PAOX: variants seen among roughly 807,000 people sequenced by gnomAD.
The protein encoded by PAOX is peroxisomal N(1)-acetyl-spermine/spermidine oxidase.
PAOX carries 38 observed loss-of-function variants against 39.0 expected under a neutral mutation model. The observed-to-expected ratio is 0.97, with a 90% CI of 0.75 to 1.28. The LOEUF (loss-of-function observed/expected upper bound fraction) is 1.28. Ranked by LOEUF, PAOX falls within the 50% of genes most tolerant of loss-of-function variation. PAOX has a pLI of 0.00. For synonymous variants in PAOX, 311 were observed against 314.4 expected, an observed-to-expected ratio of 0.99 and a Z score of 0.11; for missense variants, 667 against 685.7, an observed-to-expected ratio of 0.97 and a Z score of 0.30.
intron 2 of PAOX, 57 bp downstream of exon 2, chr10:133,380,542 G>T (rs1448491949): frequency 5.3e-6 from 8 of 1,519,290 alleles, no homozygotes; most frequent in Non-Finnish European, 6.2e-6. Context: ...CAGGGCACCG[G>T]GGCTGGCTGA....
At chr10:133,389,204 A>C in intron 5 of PAOX, 136 bp downstream of exon 5, 5 of 729,824 alleles carry the variant, frequency 6.9e-6, no homozygotes, top group Non-Finnish European at 9.8e-6. Context: ...ATCCTTCCTC[A>C]TGTTAGTGGG....
Position 133,379,399 on chromosome 10 carries a change from C to G in PAOX, c.83C>G (p.Ala28Gly). The G allele has an allele frequency of 8.2e-7, 1 of 1,222,392 alleles. No individual in the cohort carries two copies. Among genetic ancestry groups the G allele is most frequent in the Admixed American group, 4.3e-5 (1 of 23,344 alleles). The allele number at this position is 1,222,392 out of a possible 1,614,324, so 75.7% of individuals were successfully genotyped here. A position where few individuals can be genotyped will look rare whatever the true frequency, so the allele number is the denominator to read the frequency against. ...GGCGGCGGCATCGCGGGGCTGGGCG[C>G]GGCGCAGAGGCTCTGCGGCCACTCC... The part of the protein sequence containing the change: ...VVGGGIAGLG[A>G]AQRLCGHSAF... Residue 28 changes from alanine to glycine, a missense_variant, in exon 1 of 7, where the codon GCG (alanine) becomes GGG (glycine). Ala to Gly is a moderately conservative substitution (Grantham distance 60). Coordinates refer to ENST00000278060, the MANE Select transcript of PAOX (RefSeq NM_152911.4).
chr10:133,391,019 G>A (rs1277304620), intron 6 of PAOX: 13 of 702,030 alleles, frequency 1.9e-5, no homozygotes, highest in African/African-American at 5.2e-5. Context: ...TTTCCCGCCC[G>A]TTGGTGGATG....
At chr10:133,387,730 T>C (rs539544833) in intron 4 of PAOX, among the ~76,000 whole-genome samples, 6 of 152,060 alleles carry the variant, frequency 3.9e-5, no homozygotes, top group Admixed American at 6.6e-5. Flanking sequence ...CAGATTATTA[T>C]TATTTTTTGA....
intron 4 of PAOX, among the ~76,000 whole-genome samples, chr10:133,388,567 T>G (rs1298815619): frequency 2.0e-5 from 3 of 152,224 alleles, no homozygotes; most frequent in Non-Finnish European, 4.4e-5. Context: ...AAGGGACGGT[T>G]TACCTGCCCT....
intron 1 of PAOX, 56 bp from the exon 2 acceptor site, chr10:133,379,943 C>T (rs1466649362): frequency 1.3e-6 from 2 of 1,500,116 alleles, no homozygotes; most frequent in Non-Finnish European, 1.8e-6. Context: ...GAGAAGGGCT[C>T]GGGGTGACCC....
chr10:133,379,536 G>C (rs1444568832), intron 1 of PAOX, 39 bp downstream of exon 1: 3 of 1,221,650 alleles, frequency 2.5e-6, no homozygotes, highest in Non-Finnish European at 2.0e-6. Context: ...GAACCCAACC[G>C]GCTGCGCCCG....
chr10:133,384,617 A>G lies in PAOX; in HGVS notation c.1121+405A>G, dbSNP rs944460064. Among the ~76,000 whole-genome samples the G allele has an allele frequency of 4.6e-5, 7 of 152,234 alleles. No homozygotes were observed. The highest frequency in any genetic ancestry group is 1.3e-4 in the Admixed American group (2 of 15,288). ...AATTGAAGGAAACATTCCGAGAAGTAATGGAATGGGAGACCCACAGAGGAA... is the reference window on the plus strand; with the variant it reads ...AATTGAAGGAAACATTCCGAGAAGTGATGGAATGGGAGACCCACAGAGGAA... On this transcript the variant is annotated intron_variant, in intron 4 of 6. Transcript: ENST00000278060. The surrounding 1 kb of genome is among the most constrained non-coding windows in gnomAD (Gnocchi z 4.3).
At position 133,380,058 on chromosome 10, in the gene PAOX, T is replaced by A. The variant is rs1361497613; in HGVS notation, c.241T>A (p.Phe81Ile). The change falls in exon 2 of 7, where the codon TTC becomes ATC. Residue 81 changes from phenylalanine (F) to isoleucine (I), a missense_variant. By Grantham distance (21) the Phe-to-Ile change is conservative (BLOSUM62 0). Transcript: ENST00000278060. ...TGGGCCCTCCCGGGGTAACCCCGTC[T>A]TCCAGCTGGCTGCTGAGTACGGGCT... is the stretch of plus-strand genomic sequence containing the variant. ...IHGPSRGNPV[F>I]QLAAEYGLLG... is the part of the protein sequence containing the mutation. 1 of 1,527,064 alleles carries A rather than the reference T, an allele frequency of 6.5e-7. No homozygotes were observed. The highest frequency in any genetic ancestry group is 1.3e-5 in the South Asian group (1 of 76,880). The allele number at this position is 1,527,064 out of a possible 1,614,324, so 94.6% of individuals were successfully genotyped here.
chr10:133,383,400 C>T (rs755591127), intron 3 of PAOX, among the ~76,000 whole-genome samples: 27 of 151,222 alleles, frequency 1.8e-4, no homozygotes, highest in Non-Finnish European at 3.1e-4. Context: ...GTCACGAGTT[C>T]AAGACCAGCC....
chr10:133,379,483 C>T lies in PAOX; in HGVS notation c.167C>T (p.Ser56Leu), dbSNP rs913200932. ...GCCCGCGCCGGGGGCCGCATCCGCT[C>T]GGAGCGCTGCTTCGGTAACCGCCCC... ...ATARAGGRIR[S>L]ERCFGGVVEV... Residue 56 changes from serine to leucine, a missense_variant, in exon 1 of 7, where the codon TCG becomes TTG. Transcript: ENST00000278060. The T allele has an allele frequency of 8.2e-7, 1 of 1,225,584 alleles. No individual in the cohort carries two copies. Among genetic ancestry groups the T allele is most frequent in the Admixed American group, 4.3e-5 (1 of 23,482 alleles). 75.9% of individuals were successfully genotyped at this position (1,225,584 alleles called of 1,614,324 possible).
At chr10:133,385,506 A>G (rs1327020876) in intron 4 of PAOX, among the ~76,000 whole-genome samples, 1 of 152,148 alleles carries the variant, frequency 6.6e-6, no homozygotes, top group Non-Finnish European at 1.5e-5. Context: ...ATCCTTTTAT[A>G]TACCTGCAAA....
chr10:133,380,626 T>C, intron 2 of PAOX, 141 bp downstream of exon 2: 2 of 1,234,104 alleles, frequency 1.6e-6, no homozygotes, highest in Non-Finnish European at 2.2e-6. Context: ...TGGTTGCTCC[T>C]TTCCCTAGTT....
intron 5 of PAOX, among the ~76,000 whole-genome samples, chr10:133,389,310 T>G (rs1165853047): frequency 6.6e-6 from 1 of 152,150 alleles, no homozygotes; most frequent in Non-Finnish European, 1.5e-5. Flanking sequence ...TTGATCAGAT[T>G]TTTACAGAGG....
rs1849492163 is a variant in PAOX, at chr10:133,384,905, T to C, written c.1121+693T>C. Among the ~76,000 whole-genome samples, 2 of 152,186 alleles carry C rather than the reference T, an allele frequency of 1.3e-5. No homozygotes were observed. The highest frequency in any genetic ancestry group is 2.4e-5 in the African/African-American group (1 of 41,442). On this transcript the variant is annotated intron_variant, in intron 4 of 6. Coordinates refer to ENST00000278060, the MANE Select transcript of PAOX (RefSeq NM_152911.4). The surrounding 1 kb of genome is among the most constrained non-coding windows in gnomAD (Gnocchi z 4.3). ...TAGGGCATGCCTGCCAGATGGTTCA[T>C]AGTTGCCATCCACTGGGAGCAGGAG...
At chr10:133,381,758 C>T in intron 3 of PAOX, 99 bp downstream of exon 3, 2 of 1,266,942 alleles carry the variant, frequency 1.6e-6, no homozygotes, top group Non-Finnish European at 2.2e-6. Flanking sequence ...GTGTACGAAG[C>T]TCACATTTTC....
At position 133,380,133 on chromosome 10, in the gene PAOX, G is replaced by A; in HGVS notation, c.316G>A (p.Gly106Ser). The A allele has an allele frequency of 6.3e-7, 1 of 1,588,578 alleles. No individual in the cohort carries two copies. The highest frequency in any genetic ancestry group is 1.3e-5 in the African/African-American group (1 of 74,620). Residue 106 changes from glycine to serine, a missense_variant, in exon 2 of 7, where the codon GGT becomes AGT. Coordinates refer to ENST00000278060, the MANE Select transcript of PAOX (RefSeq NM_152911.4). ...GGAGAACCAGCTGGTGGAGACCGGG[G>A]GTCACGTGGGCCTGCCCTCCGTGAG... ...SQENQLVETGGHVGLPSVSYA... is the reference protein window; with the variant it reads ...SQENQLVETGSHVGLPSVSYA...
rs1046175 is a variant in PAOX, at chr10:133,391,446, C to A, written c.1527C>A (p.Pro509=). The change falls in exon 7 of 7, where the codon CCC becomes CCA. Residue 509 remains proline, a synonymous_variant. Coordinates refer to ENST00000278060, the MANE Select transcript of PAOX (RefSeq NM_152911.4). Reference sequence around the variant, plus strand: ...CCCCGCAGGTGCAGCAGCCCAGGCCCAGGCTCTAGCTGGGCCCAGCCTACT... The same window carrying A: ...CCCCGCAGGTGCAGCAGCCCAGGCCAAGGCTCTAGCTGGGCCCAGCCTACT... ...LWAPQVQQPR[P]RL The A allele has an allele frequency of 1.3e-5, 21 of 1,611,934 alleles. No individual in the cohort carries two copies. The highest frequency in any genetic ancestry group is 3.3e-5 in the South Asian group (3 of 91,024).
Position 133,391,189 on chromosome 10 carries a change from T to C in PAOX, c.1393-123T>C, listed in dbSNP as rs1849671747. On this transcript the variant is annotated intron_variant, in intron 6 of 6. Transcript: ENST00000278060. Reference sequence around the variant, plus strand: ...CGTGAGCCCTTTTCTCGTCCGTTGGTGGAGGTGTGTGAGCTGTTTTCCTGC... The same window carrying C: ...CGTGAGCCCTTTTCTCGTCCGTTGGCGGAGGTGTGTGAGCTGTTTTCCTGC... The C allele has an allele frequency of 7.3e-6, 7 of 959,900 alleles. 1 individual carries two copies. In the South Asian group the frequency reaches 9.2e-5, roughly 13 times the overall value. 59.5% of individuals were successfully genotyped at this position (959,900 alleles called of 1,614,324 possible).
Sources: allele counts gnomAD v4.1 joint callset (sites outside exome capture counted in the v4.1 genomes callset), GRCh38; gene constraint gnomAD v4.1.1; non-coding constraint Gnocchi (gnomAD v3.1); transcripts MANE v1.5; gene names NCBI Gene and HGNC (gene_info 2026-07-23, HGNC 2026-07-21).